The following NHEJ1 variants were observed in gnomAD, a reference collection of about 807,000 sequenced individuals.
The protein encoded by NHEJ1 is non-homologous end-joining factor 1.
NHEJ1 carries 22 observed loss-of-function variants against 39.4 expected under a neutral mutation model. The ratio of observed to expected loss-of-function variants is 0.56; its 90% CI spans 0.40 to 0.80. The LOEUF (loss-of-function observed/expected upper bound fraction) is 0.80. Ranked by LOEUF, NHEJ1 falls within the 30% of genes least tolerant of loss-of-function variation. NHEJ1 has a pLI of 0.00. For synonymous variants in NHEJ1, 154 were observed against 135.6 expected (o/e 1.14, Z -0.94); for missense variants, 329 against 357.1 (o/e 0.92, Z 0.63).
intron 5 of NHEJ1, among the ~76,000 whole-genome samples, chr2:219,143,612 A>C (rs894925979): frequency 1.1e-4 from 16 of 152,222 alleles, no homozygotes; most frequent in African/African-American, 3.9e-4. Flanking sequence ...AGCTGTAACT[A>C]CAACTACCTA....
At chr2:219,158,049 G>A (rs1268656500) in intron 2 of NHEJ1, 137 bp downstream of exon 2, 5 of 722,694 alleles carry the variant, frequency 6.9e-6, no homozygotes, top group Non-Finnish European at 1.2e-5. Flanking sequence ...AAAGATTCCA[G>A]GCAGAAGTAC....
At chr2:219,084,007 CTT>C (rs558515060) in intron 5 of NHEJ1, among the ~76,000 whole-genome samples, 25 of 133,244 alleles carry the variant, frequency 1.9e-4, no homozygotes, top group African/African-American at 2.2e-4. Context: ...TCTTTCTTTG[CTT>C]TTTTTTTTTT....
At chr2:219,143,782 G>A (rs545784395) in intron 5 of NHEJ1, among the ~76,000 whole-genome samples, 6 of 152,146 alleles carry the variant, frequency 3.9e-5, no homozygotes, top group East Asian at 1.9e-4. Flanking sequence ...ATTCAATTCC[G>A]CAGGGCTCCT....
chr2:219,153,609 G>A (rs1438049292), intron 3 of NHEJ1, among the ~76,000 whole-genome samples: 3 of 147,218 alleles, frequency 2.0e-5, no homozygotes, highest in Admixed American at 1.4e-4. Context: ...GGAAGCCAAA[G>A]TGAGAGGATC....
intron 5 of NHEJ1, among the ~76,000 whole-genome samples, chr2:219,091,911 G>A (rs563911335): frequency 1.3e-5 from 2 of 152,090 alleles, no homozygotes; most frequent in Non-Finnish European, 2.9e-5. Context: ...AGCAGAATCC[G>A]GGACAAAGTT....
At chr2:219,095,212 C>T (rs561862934) in intron 5 of NHEJ1, 9 of 447,786 alleles carry the variant, frequency 2.0e-5, no homozygotes, top group African/African-American at 8.1e-5. Context: ...TAACTACCGA[C>T]GTGGCTTTTG....
chr2:219,153,830 G>A (rs1472618656), intron 3 of NHEJ1, among the ~76,000 whole-genome samples: 1 of 152,110 alleles, frequency 6.6e-6, no homozygotes, highest in East Asian at 1.9e-4. Flanking sequence ...GAAGTATGAG[G>A]AACAGGTATT....
chr2:219,093,028 T>C (rs1949175357), intron 5 of NHEJ1, among the ~76,000 whole-genome samples: 1 of 152,222 alleles, frequency 6.6e-6, no homozygotes, highest in Non-Finnish European at 1.5e-5. Context: ...TAAACAAAAG[T>C]GCTCACTGAA....
At chr2:219,124,317 G>C (rs1949496943) in intron 5 of NHEJ1, among the ~76,000 whole-genome samples, 1 of 152,166 alleles carries the variant, frequency 6.6e-6, no homozygotes, top group African/African-American at 2.4e-5. Flanking sequence ...AGAATGAGTG[G>C]AATGTAAGCT....
At chr2:219,110,245 C>T (rs1423858444) in intron 5 of NHEJ1, among the ~76,000 whole-genome samples, 2 of 152,072 alleles carry the variant, frequency 1.3e-5, no homozygotes, top group Non-Finnish European at 2.9e-5. Context: ...CTAAGGGGTG[C>T]CCACTGCACC....
Position 219,076,126 on chromosome 2 carries a change from T to C in NHEJ1, c.*255A>G, listed in dbSNP as rs1949011025. ...ACTTGCCCTATATACCTAAAGTCCATGGTAGAAACCTGAACCTACAGAACC... is the reference window on the plus strand; with the variant it reads ...ACTTGCCCTATATACCTAAAGTCCACGGTAGAAACCTGAACCTACAGAACC... On this transcript the variant is annotated 3_prime_UTR_variant, in exon 8 of 8. Coordinates refer to ENST00000356853, the MANE Select transcript of NHEJ1 (RefSeq NM_024782.3). 2 of 708,434 alleles carry C rather than the reference T, an allele frequency of 2.8e-6. No individual in the cohort carries two copies. Among genetic ancestry groups the C allele is most frequent in the South Asian group, 2.0e-5 (1 of 49,924 alleles). The allele number at this position is 708,434 out of a possible 1,614,324, so 43.9% of individuals were successfully genotyped here.
intron 6 of NHEJ1, among the ~76,000 whole-genome samples, chr2:219,077,598 C>G (rs1416484063): frequency 6.6e-6 from 1 of 152,124 alleles, no homozygotes; most frequent in Non-Finnish European, 1.5e-5. Flanking sequence ...CGACTCAAAA[C>G]AGCCAGCTGT....
At chr2:219,090,321 G>T (rs1290338671) in intron 5 of NHEJ1, among the ~76,000 whole-genome samples, 2 of 152,168 alleles carry the variant, frequency 1.3e-5, no homozygotes, top group African/African-American at 4.8e-5. Flanking sequence ...AGTTTCTTCA[G>T]CTGTGGAATG....
chr2:219,137,580 A>AAC (rs1391691747), intron 5 of NHEJ1, among the ~76,000 whole-genome samples: 4 of 141,594 alleles, frequency 2.8e-5, no homozygotes, highest in African/African-American at 7.5e-5. Context: ...CAAAAAAAAA[A>AAC]AAAAAAAAAA....
chr2:219,126,480 T>C (rs778205678), intron 5 of NHEJ1, among the ~76,000 whole-genome samples: 4 of 152,256 alleles, frequency 2.6e-5, no homozygotes, highest in Non-Finnish European at 5.9e-5. Context: ...ATATTTGTGT[T>C]GAACTTTACC....
intron 1 of NHEJ1, chr2:219,159,417 T>C (rs1231028052): frequency 6.6e-6 from 1 of 151,222 alleles, no homozygotes; most frequent in Non-Finnish European, 1.5e-5. Flanking sequence ...GAAGGAAAAA[T>C]TTAGAATGTA....
At chr2:219,083,131 C>G (rs756799245) in intron 5 of NHEJ1, among the ~76,000 whole-genome samples, 1 of 152,196 alleles carries the variant, frequency 6.6e-6, no homozygotes, top group Non-Finnish European at 1.5e-5. Flanking sequence ...TATTTAGATG[C>G]TGGGAATATG....
intron 5 of NHEJ1, among the ~76,000 whole-genome samples, chr2:219,120,991 G>C (rs941994273): frequency 1.3e-5 from 2 of 152,140 alleles, no homozygotes; most frequent in African/African-American, 4.8e-5. Context: ...GAGGTCAGGA[G>C]TTCAAGACCA....
At chr2:219,127,544 C>T (rs1949536990) in intron 5 of NHEJ1, among the ~76,000 whole-genome samples, 1 of 152,158 alleles carries the variant, frequency 6.6e-6, no homozygotes, top group African/African-American at 2.4e-5. Context: ...AATCCAAGGC[C>T]CATTTCTTAT....
Sources: allele counts gnomAD v4.1 joint callset (sites outside exome capture counted in the v4.1 genomes callset), GRCh38; gene constraint gnomAD v4.1.1; transcripts MANE v1.5; gene names NCBI Gene and HGNC (gene_info 2026-07-23, HGNC 2026-07-21).